The following MYO16 variants were observed in gnomAD, a reference collection of about 807,000 sequenced individuals.
MYO16 encodes the protein myosin XVI.
MYO16 carries 94 observed loss-of-function variants against 205.3 expected under a neutral mutation model. The observed-to-expected ratio is 0.46, with a 90% CI of 0.39 to 0.54. The LOEUF is 0.54. Ranked by LOEUF, MYO16 falls within the 20% of genes least tolerant of loss-of-function variation. The pLI, the probability that MYO16 is intolerant of heterozygous loss-of-function variation, is 0.00. For missense variants in MYO16, 2,315 were observed against 2,387.5 expected (o/e 0.97, Z 0.63); for synonymous variants, 988 against 954.0 (o/e 1.04, Z -0.66).
At chr13:109,007,683 A>G (rs1416201276) in intron 21 of MYO16, among the ~76,000 whole-genome samples, 1 of 151,952 alleles carries the variant, frequency 6.6e-6, no homozygotes, top group East Asian at 1.9e-4. Flanking sequence ...TTTTTTAAAT[A>G]CTTTAAGATA....
intron 20 of MYO16, among the ~76,000 whole-genome samples, chr13:108,974,012 C>T (rs753513460): frequency 4.6e-5 from 7 of 151,628 alleles, no homozygotes; most frequent in African/African-American, 7.3e-5. Flanking sequence ...AACCAAATGA[C>T]AGAAAAGGCT....
chr13:108,763,788 TG>T (rs1311185903), intron 4 of MYO16, among the ~76,000 whole-genome samples: 349 of 13,588 alleles, frequency 0.026, no homozygotes, highest in African/African-American at 0.15. Context: ...GAAAAGGAGT[TG>T]TGTGTGTGTG....
chr13:109,010,281 A>G (rs1309932477), intron 22 of MYO16, among the ~76,000 whole-genome samples: 4 of 152,136 alleles, frequency 2.6e-5, no homozygotes, highest in African/African-American at 9.7e-5. Flanking sequence ...TTATTTCCCT[A>G]GGTTCTATTT....
chr13:108,617,034 C>T (rs1365479997), intron 1 of MYO16, among the ~76,000 whole-genome samples: 1 of 152,164 alleles, frequency 6.6e-6, no homozygotes, highest in Non-Finnish European at 1.5e-5. Flanking sequence ...TCTGTTTGCT[C>T]ATCCTTAACT....
intron 4 of MYO16, among the ~76,000 whole-genome samples, chr13:108,731,932 GA>G (rs768233801): frequency 6.6e-5 from 10 of 152,196 alleles, no homozygotes; most frequent in Non-Finnish European, 1.3e-4. Flanking sequence ...GAACCCCTGG[GA>G]AATTTGATTA....
intron 2 of MYO16, among the ~76,000 whole-genome samples, chr13:108,707,604 G>A (rs1883561189): frequency 6.6e-6 from 1 of 152,134 alleles, no homozygotes; most frequent in South Asian, 2.1e-4. Context: ...AATACTGTGT[G>A]TCCTGAGGGA....
At chr13:108,618,877 A>G (rs567133869) in intron 1 of MYO16, among the ~76,000 whole-genome samples, 1 of 152,354 alleles carries the variant, frequency 6.6e-6, no homozygotes, top group Admixed American at 6.5e-5. Flanking sequence ...TACTACATGT[A>G]CAATTCAACC....
intron 22 of MYO16, among the ~76,000 whole-genome samples, chr13:109,017,525 G>T (rs568755744): frequency 2.0e-5 from 3 of 152,138 alleles, no homozygotes; most frequent in African/African-American, 7.2e-5. Context: ...TTGCTCGGTT[G>T]GGGAAGTTCT....
At chr13:108,973,781 T>C (rs1884143363) in intron 20 of MYO16, among the ~76,000 whole-genome samples, 1 of 152,200 alleles carries the variant, frequency 6.6e-6, no homozygotes, top group Non-Finnish European at 1.5e-5. Flanking sequence ...TAAATGAACA[T>C]AGAGAATCGG....
chr13:108,993,445 G>A (rs1455259450), intron 21 of MYO16, among the ~76,000 whole-genome samples: 1 of 152,112 alleles, frequency 6.6e-6, no homozygotes, highest in Non-Finnish European at 1.5e-5. Flanking sequence ...CGTTACTGTT[G>A]CAAATGGGAG....
the MYO16 span, among the ~76,000 whole-genome samples, chr13:108,524,173 G>A: frequency 2.7e-3 from 406 of 152,036 alleles, 6 homozygotes; most frequent in South Asian, 0.026. Context: ...GGCAGTGTGC[G>A]CCTGTAGTCC....
intron 4 of MYO16, among the ~76,000 whole-genome samples, chr13:108,771,619 C>G (rs1442354164): frequency 6.6e-6 from 1 of 152,024 alleles, no homozygotes; most frequent in Non-Finnish European, 1.5e-5. Flanking sequence ...TTTTTACTGC[C>G]CTAACAACCC....
intron 6 of MYO16, among the ~76,000 whole-genome samples, chr13:108,797,998 T>C (rs1886843369): frequency 6.6e-6 from 1 of 152,200 alleles, no homozygotes; most frequent in African/African-American, 2.4e-5. Context: ...ATAATTGTTC[T>C]AAAATAACCA....
chr13:108,996,116 TAA>T (rs1373535462), intron 21 of MYO16, among the ~76,000 whole-genome samples: 1 of 152,192 alleles, frequency 6.6e-6, no homozygotes, highest in Middle Eastern at 3.2e-3. Flanking sequence ...CATGCTGCTA[TAA>T]AGACACATGC....
chr13:108,828,628 C>T (rs1566355191), intron 9 of MYO16, among the ~76,000 whole-genome samples: 2 of 152,032 alleles, frequency 1.3e-5, no homozygotes, highest in East Asian at 1.9e-4. Context: ...GGGTAGGGGC[C>T]TAGTCATGCC....
chr13:108,910,750 C>T (rs1215446028), intron 16 of MYO16, among the ~76,000 whole-genome samples: 1 of 152,048 alleles, frequency 6.6e-6, no homozygotes, highest in Non-Finnish European at 1.5e-5. Flanking sequence ...TCCAGATTTG[C>T]ATTAGGATGA....
intron 4 of MYO16, among the ~76,000 whole-genome samples, chr13:108,775,284 GTCTT>G (rs1422819738): frequency 2.0e-5 from 3 of 152,092 alleles, no homozygotes; most frequent in African/African-American, 4.8e-5. Flanking sequence ...ATATACTGGA[GTCTT>G]TCTTCAGAGG....
chr13:108,932,711 A>G (rs1442653183), intron 16 of MYO16, among the ~76,000 whole-genome samples: 1 of 152,126 alleles, frequency 6.6e-6, no homozygotes, highest in African/African-American at 2.4e-5. Flanking sequence ...CAGAGATTTC[A>G]TGGTATACCT....
the MYO16 span, among the ~76,000 whole-genome samples, chr13:108,542,611 A>G: frequency 1.3e-5 from 2 of 152,184 alleles, no homozygotes; most frequent in Non-Finnish European, 2.9e-5. Flanking sequence ...TTTATTTTGA[A>G]ATCTTACATA....
Sources: allele counts gnomAD v4.1 joint callset (sites outside exome capture counted in the v4.1 genomes callset), GRCh38; gene constraint gnomAD v4.1.1; transcripts MANE v1.5; gene names NCBI Gene and HGNC (gene_info 2026-07-23, HGNC 2026-07-21).